The following RGS7 variants were observed in gnomAD, a reference collection of about 807,000 sequenced individuals.
RGS7 encodes regulator of G-protein signaling 7.
Under a neutral mutation model 81.1 loss-of-function variants are expected in RGS7, and 27 were observed. The observed-to-expected ratio is 0.33, with a 90% CI of 0.25 to 0.46. The LOEUF is 0.46. RGS7 is among the 20% of genes least tolerant of loss of function. The pLI is 1.00. For missense variants in RGS7, 396 were observed against 607.4 expected (o/e 0.65, Z 3.66); for synonymous variants, 208 against 207.7 (o/e 1.00, Z -0.01).
intron 2 of RGS7, among the ~76,000 whole-genome samples, chr1:241,157,911 C>CA (rs780700167): frequency 0.33 from 796 of 2,448 alleles, 13 homozygotes; most frequent in African/African-American, 0.4. Context: ...CTCCACCTCC[C>CA]GGTCACGCCA....
At chr1:241,068,919 G>A (rs1287658423) in intron 3 of RGS7, among the ~76,000 whole-genome samples, 1 of 152,084 alleles carries the variant, frequency 6.6e-6, no homozygotes, top group East Asian at 1.9e-4. Context: ...TAGGAAGGGA[G>A]TTCTCATGAG....
chr1:240,947,199 C>T (rs1678783232), intron 4 of RGS7, among the ~76,000 whole-genome samples: 1 of 152,132 alleles, frequency 6.6e-6, no homozygotes, highest in Non-Finnish European at 1.5e-5. Flanking sequence ...GGCCCCGTTG[C>T]ATCTTAGCAG....
At chr1:241,062,869 C>T (rs73125557) in intron 3 of RGS7, among the ~76,000 whole-genome samples, 1,592 of 152,270 alleles carry the variant, frequency 0.01, 25 homozygotes, top group African/African-American at 0.036. Context: ...CTGTAAATAG[C>T]CTAGTTTTAC....
intron 16 of RGS7, 56 bp downstream of exon 16, chr1:240,802,848 A>G (rs1688236344): frequency 1.8e-6 from 2 of 1,131,952 alleles, no homozygotes; most frequent in East Asian, 4.7e-5. Context: ...TAATTACTCC[A>G]AATAATTATA....
At chr1:241,282,479 A>C (rs979543663) in intron 2 of RGS7, among the ~76,000 whole-genome samples, 1 of 152,088 alleles carries the variant, frequency 6.6e-6, no homozygotes, top group Non-Finnish European at 1.5e-5. Flanking sequence ...TTTTATGTAT[A>C]TTTCTTGGAA....
chr1:240,782,032 TC>T (rs1283915445), intron 18 of RGS7, among the ~76,000 whole-genome samples: 2 of 149,830 alleles, frequency 1.3e-5, no homozygotes, highest in East Asian at 3.9e-4. Flanking sequence ...AAAAAAGAGA[TC>T]TTAAGTGCAG....
chr1:241,309,803 T>C (rs947196618), intron 2 of RGS7, among the ~76,000 whole-genome samples: 2 of 152,226 alleles, frequency 1.3e-5, no homozygotes, highest in Non-Finnish European at 2.9e-5. Flanking sequence ...AAAATGCAAA[T>C]GTTAGAATTA....
chr1:240,780,472 C>T (rs6696571), intron 18 of RGS7, among the ~76,000 whole-genome samples: 18,242 of 144,530 alleles, frequency 0.13, 2,854 homozygotes, highest in African/African-American at 0.37. Context: ...AAAAGTGCTT[C>T]CTCTTTGTGG....
At chr1:241,161,554 AACT>A (rs1558142719) in intron 2 of RGS7, among the ~76,000 whole-genome samples, 1 of 120,582 alleles carries the variant, frequency 8.3e-6, no homozygotes, top group Non-Finnish European at 1.7e-5. Flanking sequence ...TAATGATAGT[AACT>A]AATAATGTGA....
chr1:240,982,698 G>A (rs1321873027), intron 4 of RGS7, among the ~76,000 whole-genome samples: 1 of 152,078 alleles, frequency 6.6e-6, no homozygotes, highest in Non-Finnish European at 1.5e-5. Context: ...TAAAGATGTA[G>A]TTAAGGCAAA....
chr1:240,931,929 C>T (rs933971791), intron 5 of RGS7, among the ~76,000 whole-genome samples: 10 of 152,154 alleles, frequency 6.6e-5, no homozygotes, highest in Non-Finnish European at 4.4e-5. Context: ...CTTATCAACC[C>T]CTAGTCCCTG....
At position 241,017,948 on chromosome 1, in the gene RGS7, G is replaced by A. The variant is rs999458871; in HGVS notation, c.176-34819C>T. Among the ~76,000 whole-genome samples, 10 of 148,302 alleles carry A rather than the reference G, an allele frequency of 6.7e-5. No homozygotes were observed. The East Asian group carries it at 7.8e-4, about 12-fold the overall frequency. On this transcript the variant is annotated intron_variant, in intron 3 of 18. Transcript: ENST00000440928. ...TTTCATATGTTAGTCGGGTTCTGATGACTGCTTTGTCTCTCTATTTCTTTC... is the reference window on the plus strand; with the variant it reads ...TTTCATATGTTAGTCGGGTTCTGATAACTGCTTTGTCTCTCTATTTCTTTC...
chr1:241,225,432 A>G (rs968824979), intron 2 of RGS7, among the ~76,000 whole-genome samples: 5 of 152,182 alleles, frequency 3.3e-5, no homozygotes, highest in African/African-American at 9.7e-5. Context: ...TACTTATTCA[A>G]TACTTAGCTT....
intron 18 of RGS7, among the ~76,000 whole-genome samples, chr1:240,791,820 T>C (rs745494071): frequency 2.0e-5 from 3 of 152,198 alleles, no homozygotes; most frequent in Non-Finnish European, 4.4e-5. Context: ...TTCATCTTTT[T>C]CCTAGATACT....
chr1:240,967,651 G>A (rs1006354657), intron 4 of RGS7, among the ~76,000 whole-genome samples: 8 of 151,354 alleles, frequency 5.3e-5, no homozygotes, highest in Admixed American at 4.6e-4. Flanking sequence ...ACTGGTTCAC[G>A]AGAGGCCCGA....
intron 9 of RGS7, among the ~76,000 whole-genome samples, chr1:240,837,384 AAGT>A (rs900731506): frequency 3.3e-5 from 5 of 152,196 alleles, no homozygotes; most frequent in Admixed American, 6.5e-5. Context: ...ATGAGAAAAA[AAGT>A]CTCTCTTAGA....
chr1:241,021,307 A>T (rs2059525053), intron 3 of RGS7, among the ~76,000 whole-genome samples: 1 of 152,194 alleles, frequency 6.6e-6, no homozygotes. Flanking sequence ...CTGGGTACAG[A>T]GGACAGCAAG....
At chr1:240,932,239 A>C (rs978263385) in intron 5 of RGS7, among the ~76,000 whole-genome samples, 1 of 152,170 alleles carries the variant, frequency 6.6e-6, no homozygotes, top group Non-Finnish European at 1.5e-5. Flanking sequence ...TGGGAATTAC[A>C]GTAGTAAAAT....
intron 4 of RGS7, among the ~76,000 whole-genome samples, chr1:240,959,813 C>T (rs376114870): frequency 1.2e-4 from 19 of 152,178 alleles, no homozygotes; most frequent in Admixed American, 4.6e-4. Context: ...TTTCAACCTA[C>T]CAGTCCATAT....
Sources: allele counts gnomAD v4.1 joint callset (sites outside exome capture counted in the v4.1 genomes callset), GRCh38; gene constraint gnomAD v4.1.1; transcripts MANE v1.5; gene names NCBI Gene and HGNC (gene_info 2026-07-23, HGNC 2026-07-21).